Variants in ANK3 observed in about 807,000 individuals in gnomAD.
ANK3 encodes the protein ankyrin-3.
A neutral mutation model predicts 370.9 loss-of-function variants in ANK3; 57 were observed. The observed-to-expected ratio is 0.15, with a 90% CI of 0.12 to 0.19. The LOEUF is 0.19. Ranked by LOEUF, ANK3 falls within the 10% of genes least tolerant of loss-of-function variation. The probability of loss-of-function intolerance (pLI) is 1.00; values close to 1 mark genes in which losing one functional copy is unlikely to be tolerated. For missense variants in ANK3, 4,439 were observed against 5,302.1 expected (o/e 0.84, Z 5.06); for synonymous variants, 1,929 against 1,946.3 (o/e 0.99, Z 0.23).
intron 23 of ANK3, chr10:60,146,006 C>T: frequency 8.3e-7 from 1 of 1,204,666 alleles, no homozygotes; most frequent in Non-Finnish European, 1.2e-6. Context: ...AATTTTGTAC[C>T]ATGTGCATCT....
intron 1 of ANK3, among the ~76,000 whole-genome samples, chr10:60,689,567 C>T (rs1771044552): frequency 1.3e-5 from 2 of 151,986 alleles, no homozygotes; most frequent in Non-Finnish European, 2.9e-5. Context: ...GCCTGGCTAA[C>T]ATGGCAAAAC....
intron 1 of ANK3, among the ~76,000 whole-genome samples, chr10:60,671,979 A>G (rs1183946497): frequency 6.6e-6 from 1 of 152,242 alleles, no homozygotes; most frequent in Non-Finnish European, 1.5e-5. Flanking sequence ...GTGAGAGATC[A>G]TGAATCGGAA....
rs986016302 is a variant in ANK3, at chr10:60,688,504, A to T, written c.57+44759T>A. Among the ~76,000 whole-genome samples the T allele has an allele frequency of 3.2e-4, 48 of 152,214 alleles. 1 individual carries two copies. The highest frequency in any genetic ancestry group is 1.3e-4 in the Admixed American group (2 of 15,282). Reference sequence around the variant, plus strand: ...GATAGATCTCATGCTAAGTGTTCTTACCACAAGGAAAAGCTTTAAAATTGA... The same window carrying T: ...GATAGATCTCATGCTAAGTGTTCTTTCCACAAGGAAAAGCTTTAAAATTGA... On this transcript the variant is annotated intron_variant, in intron 1 of 43. Transcript: ENST00000373827.
intron 13 of ANK3, among the ~76,000 whole-genome samples, chr10:60,199,825 C>T (rs562714937): frequency 2.0e-5 from 3 of 152,296 alleles, no homozygotes; most frequent in South Asian, 2.1e-4. Flanking sequence ...CCCTTCTCCA[C>T]GGAGTGTGAA....
rs188876872 is a variant in ANK3 at position 60,285,030 on chromosome 10, C to G, written c.115-5391G>C. Reference sequence around the variant, plus strand: ...TCCTTCCACTTTTCTACCCAGCACCCCCTTGCAAGTGATGATCGCCTCTAT... The same window carrying G: ...TCCTTCCACTTTTCTACCCAGCACCGCCTTGCAAGTGATGATCGCCTCTAT... On this transcript the variant is annotated intron_variant, in intron 1 of 43. Transcript: ENST00000280772. Among the ~76,000 whole-genome samples, 420 of 152,114 alleles carry G rather than the reference C, an allele frequency of 2.8e-3. 1 individual carries two copies. Among genetic ancestry groups the G allele is most frequent in the Middle Eastern group, 6.8e-3 (2 of 294 alleles).
chr10:60,639,702 CT>C (rs2078603877), intron 1 of ANK3, among the ~76,000 whole-genome samples: 1 of 151,576 alleles, frequency 6.6e-6, no homozygotes, highest in Non-Finnish European at 1.5e-5. Context: ...TAAATAACTA[CT>C]AAAGATAAAA....
intron 1 of ANK3, among the ~76,000 whole-genome samples, chr10:60,303,318 G>A (rs969660333): frequency 1.3e-5 from 2 of 150,100 alleles, no homozygotes; most frequent in Non-Finnish European, 3.0e-5. Flanking sequence ...TGTAATAAGA[G>A]GTTAATATCC....
At chr10:60,047,053 C>G (rs1328878172) in intron 42 of ANK3, among the ~76,000 whole-genome samples, 1 of 152,104 alleles carries the variant, frequency 6.6e-6, no homozygotes, top group African/African-American at 2.4e-5. Flanking sequence ...GTGATCCACC[C>G]GCCTCGGGCT....
At chr10:60,202,733 C>T (rs2096704119) in intron 12 of ANK3, among the ~76,000 whole-genome samples, 4 of 151,956 alleles carry the variant, frequency 2.6e-5, no homozygotes, top group Admixed American at 2.6e-4. Context: ...ATAGTGAGGC[C>T]CCCGTCTCTA....
intron 39 of ANK3, among the ~76,000 whole-genome samples, chr10:60,063,899 A>G (rs1298982674): frequency 6.6e-6 from 1 of 152,214 alleles, no homozygotes; most frequent in Admixed American, 6.5e-5. Flanking sequence ...GGTCACAGAG[A>G]GAATGTCAGG....
intron 1 of ANK3, among the ~76,000 whole-genome samples, chr10:60,620,642 T>G (rs1221837910): frequency 6.6e-6 from 1 of 152,206 alleles, no homozygotes; most frequent in Non-Finnish European, 1.5e-5. Flanking sequence ...AATGTTTTTA[T>G]ATTGACCACT....
chr10:60,517,441 C>A (rs1245139538), intron 2 of ANK3, among the ~76,000 whole-genome samples: 1 of 152,032 alleles, frequency 6.6e-6, no homozygotes, highest in Non-Finnish European at 1.5e-5. Context: ...CCATACCATC[C>A]TGAACATGCT....
intron 28 of ANK3, among the ~76,000 whole-genome samples, chr10:60,094,433 C>T (rs1314547333): frequency 6.6e-6 from 1 of 152,020 alleles, no homozygotes; most frequent in Non-Finnish European, 1.5e-5. Context: ...AGTGATGTGC[C>T]CGCCTCAGCC....
chr10:60,255,456 C>G (rs914120503), intron 7 of ANK3, among the ~76,000 whole-genome samples: 1 of 152,182 alleles, frequency 6.6e-6, no homozygotes, highest in African/African-American at 2.4e-5. Flanking sequence ...AACCTAGAGA[C>G]AGAGGATGAC....
At chr10:60,723,229 G>C (rs1311152298) in intron 1 of ANK3, among the ~76,000 whole-genome samples, 1 of 152,164 alleles carries the variant, frequency 6.6e-6, no homozygotes, top group Non-Finnish European at 1.5e-5. Flanking sequence ...TCATGCTCTT[G>C]AATCTAATTT....
chr10:60,389,328 C>G (rs910604085), intron 1 of ANK3, 97 bp downstream of exon 1: 14 of 1,135,710 alleles, frequency 1.2e-5, no homozygotes, highest in Non-Finnish European at 1.8e-5. Context: ...CTCTACCCAG[C>G]ATGTAAAAAT....
intron 1 of ANK3, chr10:60,684,952 T>C: frequency 6.5e-7 from 1 of 1,537,480 alleles, no homozygotes; most frequent in Non-Finnish European, 8.9e-7. Flanking sequence ...AATTGAGAAA[T>C]TGTTAGCAAC....
chr10:60,114,809 A>G (rs2092968999), intron 25 of ANK3, among the ~76,000 whole-genome samples: 1 of 152,238 alleles, frequency 6.6e-6, no homozygotes, highest in Non-Finnish European at 1.5e-5. Context: ...TGAATGCAGC[A>G]GAGGGCGGTT....
Position 60,389,488 on chromosome 10 carries a change from A to G in ANK3, c.51T>C (p.Asn17=). 6.2e-7 allele frequency: 1 copy of G among 1,613,878 alleles called. No individual in the cohort carries two copies. Among genetic ancestry groups the G allele is most frequent in the Non-Finnish European group, 8.5e-7 (1 of 1,179,946 alleles). The part of the protein sequence containing the change: ...QLKKNRDLEI[N]AEEEPEKKRK... ...TTTTTTTCTCAGGCTCTTCTTCAGC[A>G]TTGATTTCTAAATCCCTGTTTTTCT... The change falls in exon 1 of 44, where the codon AAT becomes AAC. Residue 17 remains asparagine (N), a synonymous_variant. Coordinates refer to ENST00000280772, the MANE Select transcript of ANK3 (RefSeq NM_020987.5).
Sources: allele counts gnomAD v4.1 joint callset (sites outside exome capture counted in the v4.1 genomes callset), GRCh38; gene constraint gnomAD v4.1.1; transcripts MANE v1.5; gene names NCBI Gene and HGNC (gene_info 2026-07-23, HGNC 2026-07-21).